RAP1GAP: variants seen among roughly 807,000 people sequenced by gnomAD.
RAP1GAP encodes the protein RAP1 GTPase activating protein.
In RAP1GAP, 35 loss-of-function variants were observed where a neutral mutation model predicts 87.2. The observed-to-expected ratio is 0.40, with a 90% CI of 0.31 to 0.53. The LOEUF (loss-of-function observed/expected upper bound fraction) is 0.53. Ranked by LOEUF, RAP1GAP falls within the 20% of genes least tolerant of loss-of-function variation. RAP1GAP has a pLI of 0.48. For synonymous variants in RAP1GAP, 375 were observed against 363.9 expected (o/e 1.03, Z -0.35); for missense variants, 734 against 898.9 (o/e 0.82, Z 2.35).
intron 3 of RAP1GAP, 73 bp from the exon 4 acceptor site, chr1:21,620,123 C>A: frequency 6.5e-7 from 1 of 1,527,710 alleles, no homozygotes; most frequent in Non-Finnish European, 9.0e-7. Context: ...CCCGCCCCGG[C>A]CCTCCGGGTC....
In RAP1GAP at chr1:21,641,540, A is replaced by G. The variant is rs541261088; in HGVS notation, c.-113+8221T>C. Among the ~76,000 whole-genome samples, 3 of 152,310 alleles carry G rather than the reference A, an allele frequency of 2.0e-5. No individual in the cohort carries two copies. In the East Asian group the frequency reaches 5.8e-4, roughly 29 times the overall value. ...CTGTCTGTCTCCTGCACTGGAGGAT[A>G]ACATGCGTGAAGCAAGGACCGTGTC... On this transcript the variant is annotated intron_variant, in intron 2 of 24. Coordinates refer to ENST00000374765, the MANE Select transcript of RAP1GAP (RefSeq NM_002885.4).
Position 21,622,715 on chromosome 1 carries a change from GC to G in RAP1GAP, c.-18-2666del, listed in dbSNP as rs1402681726. On this transcript the variant is annotated intron_variant, in intron 3 of 24. Coordinates refer to ENST00000374765, the MANE Select transcript of RAP1GAP (RefSeq NM_002885.4). The surrounding 1 kb of genome is among the most constrained non-coding windows in gnomAD (Gnocchi z 5.7). ...GCGCGTTCCGGCCCGAGCGCTAGAA[GC>G]TTTGGGTGCGTCGGGCTCCCCGAGG... The G allele has an allele frequency of 2.0e-5, 3 of 151,600 alleles. No homozygotes were observed. The highest frequency in any genetic ancestry group is 7.3e-5 in the African/African-American group (3 of 41,372). The allele number at this position is 151,600 out of a possible 1,614,324, so 9.4% of individuals were successfully genotyped here.
Position 21,613,518 on chromosome 1 carries a change from G to T in RAP1GAP, c.474+110C>A, listed in dbSNP as rs1372980538. The T allele has an allele frequency of 7.5e-6, 8 of 1,062,290 alleles. No homozygotes were observed. The highest frequency in any genetic ancestry group is 1.0e-5 in the Non-Finnish European group (7 of 689,450). The allele number at this position is 1,062,290 out of a possible 1,614,324, so 65.8% of individuals were successfully genotyped here. ...GAGACAGCCTCAGGATAGGGCGGCA[G>T]GCCAGGGCTAGGGCCTACAGCTGAA... is the stretch of plus-strand genomic sequence containing the variant. On this transcript the variant is annotated intron_variant, in intron 9 of 24. Coordinates refer to ENST00000374765, the MANE Select transcript of RAP1GAP (RefSeq NM_002885.4). This position sits in a 1 kb window ranked among gnomAD's most constrained non-coding sequence, Gnocchi z 4.7.
At chr1:21,667,849 C>CGATTA in intron 1 of RAP1GAP, among the ~76,000 whole-genome samples, 1 of 152,202 alleles carries the variant, frequency 6.6e-6, no homozygotes, top group South Asian at 2.1e-4. Context: ...TTGCTCGTGC[C>CGATTA]ACCTGAGGAT....
chr1:21,597,593 G>A (rs1306127025), intron 24 of RAP1GAP, 93 bp downstream of exon 24: 1 of 1,290,222 alleles, frequency 7.8e-7, no homozygotes, highest in Non-Finnish European at 1.1e-6. Context: ...TCCCACCCCA[G>A]AGAGGTGACA....
intron 2 of RAP1GAP, among the ~76,000 whole-genome samples, chr1:21,631,558 C>T (rs748342636): frequency 1.5e-4 from 23 of 152,074 alleles, no homozygotes; most frequent in Admixed American, 1.2e-3. Context: ...TAGTGCCACG[C>T]GCCTGTAATC....
chr1:21,614,369 A>C lies in RAP1GAP; in HGVS notation c.292-280T>G, dbSNP rs190672594. On this transcript the variant is annotated intron_variant, in intron 7 of 24. Transcript: ENST00000374765. ...GTACTTTGGTGGCAGCCAGGACTGAAAGGGATGAAGTGCTTGGCTCAGTTC... is the reference window on the plus strand; with the variant it reads ...GTACTTTGGTGGCAGCCAGGACTGACAGGGATGAAGTGCTTGGCTCAGTTC... Among the ~76,000 whole-genome samples, 115 of 152,314 alleles carry C rather than the reference A, an allele frequency of 7.6e-4. 1 individual carries two copies. The highest frequency in any genetic ancestry group is 1.5e-3 in the Non-Finnish European group (104 of 68,020).
intron 10 of RAP1GAP, 58 bp from the exon 11 acceptor site, chr1:21,612,167 T>C (rs762830392): frequency 8.1e-6 from 11 of 1,364,906 alleles, no homozygotes; most frequent in Admixed American, 2.0e-5. Flanking sequence ...TTCGACGTGC[T>C]CTTCCCCCGT....
At chr1:21,661,560 G>A (rs1170238757) in intron 1 of RAP1GAP, among the ~76,000 whole-genome samples, 3 of 152,234 alleles carry the variant, frequency 2.0e-5, no homozygotes, top group African/African-American at 7.2e-5. Flanking sequence ...TTCCTGGCTT[G>A]TGACTTTGGT....
chr1:21,597,675 C>A lies in RAP1GAP; in HGVS notation c.*34+11G>T. 1 of 1,593,404 alleles carries A rather than the reference C, an allele frequency of 6.3e-7. No individual in the cohort carries two copies. The highest frequency in any genetic ancestry group is 8.6e-7 in the Non-Finnish European group (1 of 1,164,632). On this transcript the variant is annotated intron_variant, in intron 24 of 24. Transcript: ENST00000374765. ...CTCCCACCAAACACAAGCTGAGGGG[C>A]TGGGTCTAACCTGCTCAGTTTCACC...
chr1:21,619,216 G>A (rs1225313329), intron 4 of RAP1GAP, 144 bp from the exon 5 acceptor site: 2 of 802,930 alleles, frequency 2.5e-6, no homozygotes, highest in Non-Finnish European at 3.9e-6. Context: ...AGCTGGCTGG[G>A]GGCCCTGGGC....
chr1:21,624,886 G>A (rs1383230553), intron 3 of RAP1GAP, among the ~76,000 whole-genome samples: 4 of 152,160 alleles, frequency 2.6e-5, no homozygotes, highest in African/African-American at 9.7e-5. Flanking sequence ...CTGAGGCCCA[G>A]GGAGGGGAAG....
chr1:21,647,239 T>A (rs2096140038), intron 2 of RAP1GAP, among the ~76,000 whole-genome samples: 1 of 152,036 alleles, frequency 6.6e-6, no homozygotes, highest in African/African-American at 2.4e-5. Context: ...GATGGGAGGA[T>A]CACTTGAGCT....
intron 3 of RAP1GAP, among the ~76,000 whole-genome samples, chr1:21,625,930 G>A (rs1254360892): frequency 6.6e-6 from 1 of 152,196 alleles, no homozygotes; most frequent in Non-Finnish European, 1.5e-5. Flanking sequence ...TCTGTACTTT[G>A]CAGCAATCTT....
intron 1 of RAP1GAP, among the ~76,000 whole-genome samples, chr1:21,654,561 G>A (rs758021054): frequency 1.3e-5 from 2 of 152,314 alleles, no homozygotes; most frequent in South Asian, 2.1e-4. Context: ...GACTGAGCAC[G>A]GTGGCTCACA....
At position 21,603,523 on chromosome 1, in the gene RAP1GAP, C is replaced by CGGCGATATTGGGG; in HGVS notation, c.1429-623_1429-611dup. The CGGCGATATTGGGG allele has an allele frequency of 1.7e-6, 1 of 603,078 alleles. No individual in the cohort carries two copies. Among genetic ancestry groups the CGGCGATATTGGGG allele is most frequent in the Non-Finnish European group, 3.0e-6 (1 of 335,930 alleles). 37.4% of individuals were successfully genotyped at this position (603,078 alleles called of 1,614,324 possible). ...GAGAGGGATGGCGCTCCATGCAGACCGGCGATATTGGGGGACGTGCGGCTG... is the reference window on the plus strand; with the variant it reads ...GAGAGGGATGGCGCTCCATGCAGACCGGCGATATTGGGGGGCGATATTGGGGGACGTGCGGCTG... On this transcript the variant is annotated intron_variant, in intron 18 of 24. Transcript: ENST00000374765. The surrounding 1 kb of genome is among the most constrained non-coding windows in gnomAD (Gnocchi z 6.0).
At chr1:21,608,677 A>ACT (rs1001298296) in intron 16 of RAP1GAP, among the ~76,000 whole-genome samples, 173 bp downstream of exon 16, 3 of 147,984 alleles carry the variant, frequency 2.0e-5, no homozygotes, top group African/African-American at 7.6e-5. Flanking sequence ...ACTCCTCAGT[A>ACT]TCCCTCCGGC....
intron 7 of RAP1GAP, 40 bp from the exon 8 acceptor site, chr1:21,614,129 G>C: frequency 7.1e-7 from 1 of 1,401,254 alleles, no homozygotes. Flanking sequence ...GGGTGAGGCT[G>C]AGCATGGGGC....
At chr1:21,649,847 G>A in intron 1 of RAP1GAP, 51 bp from the exon 2 acceptor site, 1 of 1,528,986 alleles carries the variant, frequency 6.5e-7, no homozygotes, top group East Asian at 2.5e-5. Context: ...CTTCTCACCA[G>A]CTTGGCCCAG....
Sources: gnomAD v4.1 joint callset for allele counts (sites outside exome capture counted in the v4.1 genomes callset) on GRCh38, gnomAD v4.1.1 for gene constraint, Gnocchi (gnomAD v3.1) non-coding constraint, MANE v1.5 for transcripts, NCBI Gene and HGNC (gene_info 2026-07-23, HGNC 2026-07-21) for gene names.